The following RREB1 variants were observed in gnomAD, a reference collection of about 807,000 sequenced individuals.
The protein encoded by RREB1 is ras responsive element binding protein 1.
A neutral mutation model predicts 117.8 loss-of-function variants in RREB1; 27 were observed. The ratio of observed to expected loss-of-function variants is 0.23; its 90% CI spans 0.17 to 0.32. The LOEUF is 0.32. Ranked by LOEUF, RREB1 falls within the 10% of genes least tolerant of loss-of-function variation. RREB1 has a pLI of 1.00. For missense variants in RREB1, 2,577 were observed against 2,378.2 expected (o/e 1.08, Z -1.74); for synonymous variants, 1,298 against 1,026.7 (o/e 1.26, Z -5.05).
intron 8 of RREB1, among the ~76,000 whole-genome samples, chr6:7,222,462 TC>T (rs1561789473): frequency 6.6e-6 from 1 of 152,046 alleles, no homozygotes; most frequent in East Asian, 1.9e-4. Flanking sequence ...TGAGCCCACA[TC>T]CCCCTACCAC....
intron 12 of RREB1, among the ~76,000 whole-genome samples, chr6:7,247,952 G>T (rs1233196879): frequency 6.6e-6 from 1 of 152,210 alleles, no homozygotes; most frequent in African/African-American, 2.4e-5. Flanking sequence ...CCGACCCAGC[G>T]CAGTCGGCTC....
Position 7,248,499 on chromosome 6 carries a change from C to G in RREB1, c.4772-12C>G. 6.2e-7 allele frequency: 1 copy of G among 1,611,766 alleles called. No homozygotes were observed. Among genetic ancestry groups the G allele is most frequent in the Non-Finnish European group, 8.5e-7 (1 of 1,177,992 alleles). Reference sequence around the variant, plus strand: ...TTTTGGTTAATGGAAATTCTTTCTTCCATTGTTCCAGGGGAAAGGCCATAC... The same window carrying G: ...TTTTGGTTAATGGAAATTCTTTCTTGCATTGTTCCAGGGGAAAGGCCATAC... On this transcript the variant is annotated splice_polypyrimidine_tract_variant and intron_variant, in intron 12 of 12. Transcript: ENST00000379938.
At position 7,117,388 on chromosome 6, in the gene RREB1, GTTTTTTTTTTTTTTTTTTT is replaced by G. The variant is rs70978941; in HGVS notation, c.-285+9347_-285+9365del. Among the ~76,000 whole-genome samples the G allele has an allele frequency of 1.6e-3, 99 of 63,298 alleles. 2 individuals carry two copies. Among genetic ancestry groups the G allele is most frequent in the South Asian group, 4.6e-3 (6 of 1,310 alleles). The allele number at this position is 63,298 out of a possible 152,430, so 41.5% of individuals were successfully genotyped here. A position where few individuals can be genotyped will look rare whatever the true frequency, so the allele number is the denominator to read the frequency against. ...GGTGAACCATGTGAATAGGTTTCCT[GTTTTTTTTTTTTTTTTTTT>G]TTTTTTTTTTTTTTTTTTGAGACGA... is the stretch of plus-strand genomic sequence containing the variant. On this transcript the variant is annotated intron_variant, in intron 1 of 12. Coordinates refer to ENST00000379938, the MANE Select transcript of RREB1 (RefSeq NM_001003699.4).
intron 8 of RREB1, chr6:7,214,110 A>G (rs1241162491): frequency 6.6e-6 from 1 of 152,276 alleles, no homozygotes; most frequent in East Asian, 1.9e-4. Context: ...GGAGATGGGC[A>G]TTGCACTGGA....
intron 1 of RREB1, among the ~76,000 whole-genome samples, chr6:7,123,904 C>T (rs562921374): frequency 1.3e-5 from 2 of 152,122 alleles, no homozygotes; most frequent in South Asian, 4.1e-4. Flanking sequence ...AGCCACCGCG[C>T]CCGGCCTCAT....
chr6:7,114,916 T>G (rs1761323362), intron 1 of RREB1, among the ~76,000 whole-genome samples: 1 of 152,174 alleles, frequency 6.6e-6, no homozygotes, highest in Non-Finnish European at 1.5e-5. Flanking sequence ...AGTCACCTCT[T>G]CAGTTATTTG....
At chr6:7,165,259 G>A (rs1186446108) in intron 1 of RREB1, among the ~76,000 whole-genome samples, 1 of 152,194 alleles carries the variant, frequency 6.6e-6, no homozygotes, top group Non-Finnish European at 1.5e-5. Flanking sequence ...CCTTGCCTTC[G>A]TGTGGTCAGC....
chr6:7,211,338 A>AGATGGATGAATG (rs1766583624), intron 7 of RREB1, among the ~76,000 whole-genome samples: 1 of 118,566 alleles, frequency 8.4e-6, no homozygotes, highest in East Asian at 2.5e-4. Context: ...ATGGATGGAC[A>AGATGGATGAATG]GATGGATGGA....
In RREB1 at chr6:7,246,930, C is replaced by G. The variant is rs1397215816; in HGVS notation, c.4480C>G (p.Pro1494Ala). 6.4e-7 allele frequency: 1 copy of G among 1,556,952 alleles called. No homozygotes were observed. The highest frequency in any genetic ancestry group is 1.4e-5 in the African/African-American group (1 of 73,134). Residue 1494 changes from proline to alanine, a missense_variant, in exon 12 of 13, where the codon CCT (proline) becomes GCT (alanine). By Grantham distance (27) the Pro-to-Ala change is conservative. Transcript: ENST00000379938. Reference protein sequence around the residue: ...STAEEGPQPAPEQEEKPPETP... With the variant: ...STAEEGPQPAAEQEEKPPETP... ...TGCAGAGGAGGGGCCCCAGCCCGCC[C>G]CTGAACAGGAGGAGAAGCCCCCCGA... is the stretch of plus-strand genomic sequence containing the variant.
In RREB1 at chr6:7,246,634, G is replaced by T. The variant is rs1432220860; in HGVS notation, c.4184G>T (p.Gly1395Val). The T allele has an allele frequency of 6.4e-7, 1 of 1,571,438 alleles. No individual in the cohort carries two copies. The highest frequency in any genetic ancestry group is 8.6e-7 in the Non-Finnish European group (1 of 1,158,634). ...GESHEPEEEHGTEESTGDADG... is the reference protein window; with the variant it reads ...GESHEPEEEHVTEESTGDADG... ...AGCCATGAGCCGGAGGAGGAGCATG[G>T]CACTGAGGAGAGCACTGGGGACGCC... The change falls in exon 12 of 13, where the codon GGC becomes GTC. Residue 1395 changes from glycine to valine, a missense_variant. Gly to Val is a moderately radical substitution (Grantham distance 109). Transcript: ENST00000379938.
rs572193844 is a variant in RREB1, at chr6:7,137,983, T to C, written c.-285+29923T>C. 1.9e-4 allele frequency among the ~76,000 whole-genome samples: 29 copies of C among 152,330 alleles called. No homozygotes were observed. The South Asian group carries it at 3.1e-3, about 16-fold the overall frequency. ...TTTTCAATAGCCCTCCTCACTCACT[T>C]ACGCCTAGTCAGGAAGATTAATAAT... On this transcript the variant is annotated intron_variant, in intron 1 of 12. Coordinates refer to ENST00000379938, the MANE Select transcript of RREB1 (RefSeq NM_001003699.4).
chr6:7,167,463 C>T (rs1257352343), intron 1 of RREB1, among the ~76,000 whole-genome samples: 1 of 150,716 alleles, frequency 6.6e-6, no homozygotes, highest in Non-Finnish European at 1.5e-5. Flanking sequence ...AAGCAATTCT[C>T]CTGCCTCAGC....
rs148733110 is a variant in RREB1, at chr6:7,249,312, G to A, written c.*344G>A. The A allele has an allele frequency of 7.6e-4, 192 of 253,390 alleles. No homozygotes were observed. Among genetic ancestry groups the A allele is most frequent in the African/African-American group, 3.8e-3 (172 of 45,148 alleles). 15.7% of individuals were successfully genotyped at this position (253,390 alleles called of 1,614,324 possible). On this transcript the variant is annotated 3_prime_UTR_variant, in exon 13 of 13. Transcript: ENST00000379938. ...AGGACCTCTTCATTTGAGCATTAGCGTTATTTTGTATTGGTGTGTGTGAGC... is the reference window on the plus strand; with the variant it reads ...AGGACCTCTTCATTTGAGCATTAGCATTATTTTGTATTGGTGTGTGTGAGC...
chr6:7,185,530 A>G (rs1002558496), intron 4 of RREB1, among the ~76,000 whole-genome samples: 2 of 152,070 alleles, frequency 1.3e-5, no homozygotes, highest in South Asian at 2.1e-4. Flanking sequence ...AGATCGTGCC[A>G]CTGTACTCCA....
chr6:7,185,932 G>A (rs968687387), intron 4 of RREB1, among the ~76,000 whole-genome samples: 9 of 152,126 alleles, frequency 5.9e-5, no homozygotes, highest in East Asian at 3.8e-4. Flanking sequence ...CCCAGTTTCC[G>A]CATCCAGAAA....
intron 10 of RREB1, among the ~76,000 whole-genome samples, chr6:7,232,785 TAAAAG>T (rs1263862022): frequency 3.2e-4 from 44 of 138,988 alleles, no homozygotes; most frequent in Admixed American, 1.1e-3. Flanking sequence ...TTTTTTTAAA[TAAAAG>T]AGTCTCACTA....
At chr6:7,220,350 G>A (rs903847678) in intron 8 of RREB1, among the ~76,000 whole-genome samples, 10 of 152,182 alleles carry the variant, frequency 6.6e-5, no homozygotes, top group African/African-American at 1.9e-4. Context: ...TTGAGGTCAG[G>A]CTGAATGTCC....
intron 8 of RREB1, among the ~76,000 whole-genome samples, chr6:7,223,534 C>T (rs1369111168): frequency 1.1e-5 from 1 of 91,138 alleles, no homozygotes. Context: ...GCACTCCAGC[C>T]TGGGCAACAA....
Position 7,210,855 on chromosome 6 carries a change from T to A in RREB1, c.477T>A (p.Pro159=), listed in dbSNP as rs762175747. The A allele has an allele frequency of 6.3e-5, 102 of 1,613,950 alleles. No homozygotes were observed. In the East Asian group the frequency reaches 2.2e-3, roughly 35 times the overall value. Residue 159 remains proline (P), a synonymous_variant, in exon 7 of 13, where the codon CCT becomes CCA. Transcript: ENST00000379938. ...CTAACAGTGCCACAGCCACAGCCCC[T>A]CCATCTCCTCTGAAACGTAGGCGAT... ...KDPNSATATA[P]PSPLKRRRLS...
Sources: gnomAD v4.1 joint callset for allele counts (sites outside exome capture counted in the v4.1 genomes callset) on GRCh38, gnomAD v4.1.1 for gene constraint, MANE v1.5 for transcripts, NCBI Gene and HGNC (gene_info 2026-07-23, HGNC 2026-07-21) for gene names.